PTPN3: variants seen among roughly 807,000 people sequenced by gnomAD.
PTPN3 encodes tyrosine-protein phosphatase non-receptor type 3.
Under a neutral mutation model 132.7 loss-of-function variants are expected in PTPN3, and 96 were observed. That is an observed-to-expected ratio of 0.72 (90% CI 0.61 to 0.86). The LOEUF (loss-of-function observed/expected upper bound fraction) is 0.86, where lower values mean the gene tolerates loss of function less well. Among genes scored for constraint, PTPN3 ranks in the 40% least tolerant of loss-of-function variants. PTPN3 has a pLI of 0.00. For missense variants in PTPN3, 1,125 were observed against 1,159.6 expected (o/e 0.97, Z 0.43); for synonymous variants, 398 against 429.0 (o/e 0.93, Z 0.89).
At chr9:109,408,169 C>T in intron 17 of PTPN3, 152 bp downstream of exon 17, 1 of 523,152 alleles carries the variant, frequency 1.9e-6, no homozygotes, top group Non-Finnish European at 3.3e-6. Flanking sequence ...AAAGACCACA[C>T]TGAGCCGCAA....
At chr9:109,472,988 C>T (rs992836644) in intron 1 of PTPN3, among the ~76,000 whole-genome samples, 1 of 152,204 alleles carries the variant, frequency 6.6e-6, no homozygotes, top group Non-Finnish European at 1.5e-5. Context: ...ATGAATAACA[C>T]AGTTGACAAT....
At chr9:109,469,032 A>T (rs920063276) in intron 1 of PTPN3, among the ~76,000 whole-genome samples, 1 of 152,206 alleles carries the variant, frequency 6.6e-6, no homozygotes, top group African/African-American at 2.4e-5. Context: ...CTGCTCTACA[A>T]ACTCAGGGGA....
rs779132573 is a variant in PTPN3, at chr9:109,382,360, A to G, written c.2470T>C (p.Phe824Leu). ...VPDDSSDFLE[F>L]VNYVRSLRVD... ...CTCAGAGACCTCACATAGTTTACAA[A>G]TTCCAGAAAGTCGGAGGAGTCATCG... is the stretch of plus-strand genomic sequence containing the variant. Residue 824 changes from phenylalanine (F) to leucine (L), a missense_variant, in exon 24 of 26, where the codon TTT becomes CTT. Phe to Leu is a conservative substitution (Grantham distance 22). Transcript: ENST00000374541. 4 of 1,614,166 alleles carry G rather than the reference A, an allele frequency of 2.5e-6. No homozygotes were observed. The highest frequency in any genetic ancestry group is 3.4e-6 in the Non-Finnish European group (4 of 1,179,998).
the PTPN3 span, among the ~76,000 whole-genome samples, chr9:109,515,962 G>A: frequency 6.6e-6 from 1 of 152,180 alleles, no homozygotes; most frequent in African/African-American, 2.4e-5. Flanking sequence ...TGAAGACAAT[G>A]TCTGCCCTGT....
At chr9:109,442,323 C>T (rs1481399854) in intron 7 of PTPN3, among the ~76,000 whole-genome samples, 1 of 152,200 alleles carries the variant, frequency 6.6e-6, no homozygotes, top group African/African-American at 2.4e-5. Flanking sequence ...GCTGAGAATA[C>T]AGGCGTGAAC....
At chr9:109,396,700 T>C (rs1323915637) in intron 19 of PTPN3, among the ~76,000 whole-genome samples, 1 of 152,216 alleles carries the variant, frequency 6.6e-6, no homozygotes, top group Non-Finnish European at 1.5e-5. Flanking sequence ...ACAACTGTAT[T>C]GAAATTACAG....
chr9:109,419,621 G>GA (rs201048008), intron 14 of PTPN3, among the ~76,000 whole-genome samples: 1 of 151,538 alleles, frequency 6.6e-6, no homozygotes, highest in African/African-American at 2.4e-5. Context: ...ATTAAAATAA[G>GA]AAAAAAAAGA....
intron 1 of PTPN3, among the ~76,000 whole-genome samples, chr9:109,464,991 G>C (rs571426623): frequency 5.0e-4 from 76 of 152,346 alleles, no homozygotes; most frequent in African/African-American, 1.7e-3. Context: ...GGGTGCTAAT[G>C]ACACTGGTGT....
At chr9:109,510,570 A>ATATATATAT in the PTPN3 span, among the ~76,000 whole-genome samples, 2 of 78,502 alleles carry the variant, frequency 2.5e-5, no homozygotes, top group East Asian at 5.8e-4. Context: ...AAAAAAAAAA[A>ATATATATAT]AAAAAAATAT....
At position 109,445,223 on chromosome 9, in the gene PTPN3, C is replaced by T; in HGVS notation, c.466+17G>A. On this transcript the variant is annotated intron_variant, in intron 7 of 25. Coordinates refer to ENST00000374541, the MANE Select transcript of PTPN3 (RefSeq NM_002829.4). ...GAACAACCTGTCCATCCGTGAAATG[C>T]TCCCTTTGTGACTTACATTGTACGG... 3 of 1,609,842 alleles carry T rather than the reference C, an allele frequency of 1.9e-6. No individual in the cohort carries two copies. The highest frequency in any genetic ancestry group is 1.1e-5 in the South Asian group (1 of 91,002).
intron 16 of PTPN3, among the ~76,000 whole-genome samples, chr9:109,409,523 TA>T (rs953230821): frequency 6.6e-6 from 1 of 151,818 alleles, no homozygotes; most frequent in Non-Finnish European, 1.5e-5. Flanking sequence ...AAGGCCACAT[TA>T]AAAAAAACCT....
intron 14 of PTPN3, among the ~76,000 whole-genome samples, chr9:109,412,960 G>C (rs1348220004): frequency 1.0e-5 from 1 of 98,988 alleles, no homozygotes; most frequent in Non-Finnish European, 2.3e-5. Flanking sequence ...TTTTTTTTGA[G>C]ACAGAGTCTT....
At chr9:109,449,552 C>T (rs1845107054) in intron 5 of PTPN3, 1 of 985,508 alleles carries the variant, frequency 1.0e-6, no homozygotes, top group Non-Finnish European at 1.2e-6. Flanking sequence ...TGACTTTGCT[C>T]CTCTGCCTGG....
chr9:109,421,429 C>T (rs1842887095), intron 13 of PTPN3, among the ~76,000 whole-genome samples: 1 of 152,198 alleles, frequency 6.6e-6, no homozygotes, highest in Admixed American at 6.5e-5. Flanking sequence ...ATTTGCAATC[C>T]CCCTGGGCCT....
chr9:109,489,151 A>T (rs2132118520), intron 1 of PTPN3, among the ~76,000 whole-genome samples: 1 of 152,268 alleles, frequency 6.6e-6, no homozygotes, highest in Non-Finnish European at 1.5e-5. Flanking sequence ...TGGCTTGTTC[A>T]TCTCCCTGTC....
At chr9:109,488,360 A>G (rs866099437) in intron 1 of PTPN3, among the ~76,000 whole-genome samples, 1 of 152,146 alleles carries the variant, frequency 6.6e-6, no homozygotes, top group Non-Finnish European at 1.5e-5. Context: ...TCTGCCTCCC[A>G]AAGTGCTAGG....
chr9:109,517,216 C>T, the PTPN3 span, among the ~76,000 whole-genome samples: 1 of 151,980 alleles, frequency 6.6e-6, no homozygotes, highest in African/African-American at 2.4e-5. Context: ...CTAGGAAATC[C>T]CAAGCAAGGA....
At chr9:109,424,335 T>C (rs1843093706) in intron 12 of PTPN3, among the ~76,000 whole-genome samples, 1 of 152,170 alleles carries the variant, frequency 6.6e-6, no homozygotes, top group South Asian at 2.1e-4. Context: ...GACTTGAAAT[T>C]CACCAGTATG....
chr9:109,492,741 G>GCAAGCC (rs914694213), intron 1 of PTPN3, among the ~76,000 whole-genome samples: 12 of 152,098 alleles, frequency 7.9e-5, no homozygotes, highest in Non-Finnish European at 7.4e-5. Context: ...CTCTGCAAGC[G>GCAAGCC]TGGCTGCTAA....
Sources: allele counts gnomAD v4.1 joint callset (sites outside exome capture counted in the v4.1 genomes callset), GRCh38; gene constraint gnomAD v4.1.1; transcripts MANE v1.5; gene names NCBI Gene and HGNC (gene_info 2026-07-23, HGNC 2026-07-21).